The following PARD3 variants were observed in gnomAD, a reference collection of about 807,000 sequenced individuals.
PARD3 encodes the protein partitioning defective 3 homolog.
Under a neutral mutation model 155.4 loss-of-function variants are expected in PARD3, and 75 were observed. The ratio of observed to expected loss-of-function variants is 0.48; its 90% confidence interval spans 0.40 to 0.58. PARD3 has a LOEUF of 0.58. Ranked by LOEUF, PARD3 falls within the 20% of genes least tolerant of loss-of-function variation. The pLI, the probability that PARD3 is intolerant of heterozygous loss-of-function variation, is 0.00. For missense variants in PARD3, 1,642 were observed against 1,721.7 expected (o/e 0.95, Z 0.82); for synonymous variants, 576 against 610.5 (o/e 0.94, Z 0.83).
At chr10:34,391,555 T>C (rs1054064263) in intron 7 of PARD3, among the ~76,000 whole-genome samples, 1 of 152,186 alleles carries the variant, frequency 6.6e-6, no homozygotes, top group African/African-American at 2.4e-5. Flanking sequence ...TGGATGAGTA[T>C]GGTATGTCTC....
chr10:34,696,707 T>C (rs74439881), intron 1 of PARD3, among the ~76,000 whole-genome samples: 2,751 of 150,116 alleles, frequency 0.018, 88 homozygotes, highest in African/African-American at 0.064. Flanking sequence ...TAATACTGAT[T>C]TCTCTAAAGC....
chr10:34,389,079 A>C (rs1368296740), intron 7 of PARD3, among the ~76,000 whole-genome samples: 1 of 152,102 alleles, frequency 6.6e-6, no homozygotes, highest in African/African-American at 2.4e-5. Flanking sequence ...AACATCCCCA[A>C]ATCTATTCCT....
Position 34,337,395 on chromosome 10 carries a change from C to G in PARD3, c.2440G>C (p.Ala814Pro), listed in dbSNP as rs148527912. The change falls in exon 17 of 25, where the codon GCT (alanine) becomes CCT (proline). Residue 814 changes from alanine to proline, a missense_variant. Physicochemically the swap from Ala to Pro is conservative, Grantham distance 27. Transcript: ENST00000374788. Reference protein sequence around the residue: ...SLSPDVDPVLAFQREGFGRQS... With the variant: ...SLSPDVDPVLPFQREGFGRQS... Reference sequence around the variant, plus strand: ...CGTCCAAATCCTTCTCGTTGAAAAGCAAGAACTGGATCAACATCTGGACTC... The same window carrying G: ...CGTCCAAATCCTTCTCGTTGAAAAGGAAGAACTGGATCAACATCTGGACTC... 6.2e-7 allele frequency: 1 copy of G among 1,600,114 alleles called. No homozygotes were observed. Among genetic ancestry groups the G allele is most frequent in the African/African-American group, 1.4e-5 (1 of 74,008 alleles).
At chr10:34,553,131 C>T (rs1220340154) in intron 2 of PARD3, among the ~76,000 whole-genome samples, 1 of 152,132 alleles carries the variant, frequency 6.6e-6, no homozygotes, top group African/African-American at 2.4e-5. Context: ...TAATCGCCAT[C>T]GATCCACCAA....
Position 34,119,712 on chromosome 10 carries a change from C to G in PARD3, c.3569G>C (p.Gly1190Ala), listed in dbSNP as rs778031928. Reference protein sequence around the residue: ...WPNARPATQSGRHSVSVEVQM... With the variant: ...WPNARPATQSARHSVSVEVQM... Reference sequence around the variant, plus strand: ...CACCTCCACGGACACCGAGTGTCGCCCGCTCTGCGTCGCCGGCCGTGCGTT... The same window carrying G: ...CACCTCCACGGACACCGAGTGTCGCGCGCTCTGCGTCGCCGGCCGTGCGTT... The change falls in exon 24 of 25, where the codon GGG becomes GCG. Residue 1190 changes from glycine (G) to alanine (A), a missense_variant. Physicochemically the swap from Gly to Ala is moderately conservative, Grantham distance 60. This residue lies in a region of PARD3 where 1,529 missense variants were observed against 1,587.3 expected (regional missense o/e 0.96). Coordinates refer to ENST00000374788, the MANE Select transcript of PARD3 (RefSeq NM_001184785.2). The G allele has an allele frequency of 6.2e-7, 1 of 1,612,718 alleles. No homozygotes were observed. Among genetic ancestry groups the G allele is most frequent in the Non-Finnish European group, 8.5e-7 (1 of 1,179,476 alleles).
intron 22 of PARD3, among the ~76,000 whole-genome samples, chr10:34,237,180 G>T (rs1953288748): frequency 6.6e-6 from 1 of 152,162 alleles, no homozygotes; most frequent in South Asian, 2.1e-4. Flanking sequence ...CTTTTAAACA[G>T]ATGGTCCAAA....
Position 34,625,248 on chromosome 10 carries a change from A to G in PARD3, c.222+71070T>C, listed in dbSNP as rs574480741. The stretch of plus-strand genomic sequence containing the variant: ...CTTTCTAAGCAAGTTAAGACTTTAC[A>G]GTTCTCATGGAGGCTCCTGGAACTC... On this transcript the variant is annotated intron_variant, in intron 2 of 24. Transcript: ENST00000374788. Among the ~76,000 whole-genome samples the G allele has an allele frequency of 5.9e-5, 9 of 152,392 alleles. No individual in the cohort carries two copies. In the East Asian group the frequency reaches 1.2e-3, roughly 20 times the overall value.
At chr10:34,422,197 A>G (rs1400560063) in intron 5 of PARD3, among the ~76,000 whole-genome samples, 1 of 152,194 alleles carries the variant, frequency 6.6e-6, no homozygotes, top group African/African-American at 2.4e-5. Context: ...AAAGGCTGAG[A>G]TTTAAAGCCA....
intron 20 of PARD3, among the ~76,000 whole-genome samples, chr10:34,309,447 A>C (rs188183692): frequency 6.0e-4 from 89 of 149,370 alleles, no homozygotes; most frequent in African/African-American, 2.1e-3. Context: ...AGTCCCAGCT[A>C]CTGGGAAGGC....
intron 2 of PARD3, among the ~76,000 whole-genome samples, chr10:34,665,911 G>GAACA (rs1428988831): frequency 6.7e-5 from 6 of 89,810 alleles, no homozygotes; most frequent in African/African-American, 1.7e-4. Flanking sequence ...AGAACAAAAA[G>GAACA]AAAAGAAAAG....
intron 22 of PARD3, among the ~76,000 whole-genome samples, chr10:34,173,661 A>G (rs1411677285): frequency 6.6e-6 from 1 of 152,138 alleles, no homozygotes; most frequent in Non-Finnish European, 1.5e-5. Flanking sequence ...TGTTTATCAA[A>G]CCCTCCAACA....
At chr10:34,690,973 G>A (rs951986790) in intron 2 of PARD3, among the ~76,000 whole-genome samples, 1 of 152,170 alleles carries the variant, frequency 6.6e-6, no homozygotes, top group Non-Finnish European at 1.5e-5. Context: ...AGCACTTTGG[G>A]AGGTCGAGGC....
At chr10:34,437,197 A>G (rs1417667089) in intron 5 of PARD3, among the ~76,000 whole-genome samples, 1 of 152,202 alleles carries the variant, frequency 6.6e-6, no homozygotes, top group African/African-American at 2.4e-5. Flanking sequence ...CCCTAATGAT[A>G]ATAAGGAATT....
chr10:34,653,319 A>T (rs546837823), intron 2 of PARD3, among the ~76,000 whole-genome samples: 1 of 152,262 alleles, frequency 6.6e-6, no homozygotes, highest in South Asian at 2.1e-4. Flanking sequence ...GACTCACATC[A>T]TGCTCTCTTA....
intron 1 of PARD3, among the ~76,000 whole-genome samples, chr10:34,696,909 G>A (rs777527848): frequency 4.0e-5 from 6 of 151,882 alleles, no homozygotes; most frequent in Non-Finnish European, 8.8e-5. Context: ...TAGGTCTAAA[G>A]ATAGGGACAC....
At chr10:34,117,796 A>C (rs1011037671) in intron 24 of PARD3, among the ~76,000 whole-genome samples, 19 of 152,198 alleles carry the variant, frequency 1.2e-4, no homozygotes, top group Admixed American at 1.0e-3. Flanking sequence ...CTGTAACCCC[A>C]GCTATTTGGG....
At chr10:34,310,398 T>C (rs995170563) in intron 20 of PARD3, among the ~76,000 whole-genome samples, 2 of 152,242 alleles carry the variant, frequency 1.3e-5, no homozygotes, top group African/African-American at 4.8e-5. Flanking sequence ...CAGCCTGGAA[T>C]TGAAATTGAC....
chr10:34,552,834 A>G (rs1378680276), intron 2 of PARD3, among the ~76,000 whole-genome samples: 5 of 152,258 alleles, frequency 3.3e-5, no homozygotes, highest in Non-Finnish European at 2.9e-5. Flanking sequence ...AAAACACTTA[A>G]AATATCAAAA....
At chr10:34,757,664 T>C (rs1030761254) in intron 1 of PARD3, among the ~76,000 whole-genome samples, 2 of 150,088 alleles carry the variant, frequency 1.3e-5, no homozygotes, top group Non-Finnish European at 3.0e-5. Flanking sequence ...TGAGCCAAGA[T>C]CGTGCCACTG....
Sources: allele counts gnomAD v4.1 joint callset (sites outside exome capture counted in the v4.1 genomes callset), GRCh38; gene constraint gnomAD v4.1.1; regional missense constraint gnomAD v4.1.1; transcripts MANE v1.5; gene names NCBI Gene and HGNC (gene_info 2026-07-23, HGNC 2026-07-21).